CACNA1C: variants seen among roughly 807,000 people sequenced by gnomAD.
CACNA1C encodes calcium voltage-gated channel subunit alpha1 C, also known as voltage-dependent L-type calcium channel subunit alpha-1C.
In CACNA1C, 30 loss-of-function variants were observed where a neutral mutation model predicts 229.0. That is an observed-to-expected ratio of 0.13 (90% CI 0.10 to 0.18). The LOEUF (loss-of-function observed/expected upper bound fraction) is 0.18, where lower values mean the gene tolerates loss of function less well. Among genes scored for constraint, CACNA1C ranks in the 10% least tolerant of loss-of-function variants. The pLI is 1.00. For missense variants in CACNA1C, 1,658 were observed against 2,845.0 expected (o/e 0.58, Z 9.49); for synonymous variants, 1,114 against 1,132.5 (o/e 0.98, Z 0.33).
intron 3 of CACNA1C, among the ~76,000 whole-genome samples, chr12:2,400,368 G>C (rs549683308): frequency 6.6e-6 from 1 of 152,124 alleles, no homozygotes; most frequent in Non-Finnish European, 1.5e-5. Context: ...TGGTGCCTAC[G>C]GGGCAGGGGC....
At chr12:2,458,492 TC>T (rs1489149816) in intron 5 of CACNA1C, among the ~76,000 whole-genome samples, 1 of 152,218 alleles carries the variant, frequency 6.6e-6, no homozygotes, top group Non-Finnish European at 1.5e-5. Flanking sequence ...AGAACTCCTT[TC>T]TACTCTTCCC....
intron 5 of CACNA1C, among the ~76,000 whole-genome samples, chr12:2,472,253 T>C (rs2099597458): frequency 6.6e-6 from 1 of 152,196 alleles, no homozygotes; most frequent in Non-Finnish European, 1.5e-5. Flanking sequence ...TACATGGTGT[T>C]TGGCCATGTT....
At chr12:2,146,737 G>A (rs1240722143) in intron 3 of CACNA1C, among the ~76,000 whole-genome samples, 3 of 151,306 alleles carry the variant, frequency 2.0e-5, no homozygotes, top group African/African-American at 4.8e-5. Context: ...TGGGCAGAGC[G>A]TCACACAACC....
intron 11 of CACNA1C, among the ~76,000 whole-genome samples, chr12:2,563,540 C>T (rs534661510): frequency 6.6e-6 from 1 of 152,322 alleles, no homozygotes; most frequent in African/African-American, 2.4e-5. Flanking sequence ...CTCCCTGCTC[C>T]TCAAGCCAAA....
Position 2,410,698 on chromosome 12 carries a change from CTGTG to C in CACNA1C, c.478-38265_478-38262del, listed in dbSNP as rs150253871. On this transcript the variant is annotated intron_variant, in intron 3 of 46. Coordinates refer to ENST00000399655, the MANE Select transcript of CACNA1C (RefSeq NM_000719.7). This position sits in a 1 kb window ranked among gnomAD's most constrained non-coding sequence, Gnocchi z 5.3. ...GACTCTAGCTGTGAGGATGGCTCGCCTGTGTGTGTGTGTGTGCGTGCACGCATGT... is the reference window on the plus strand; with the variant it reads ...GACTCTAGCTGTGAGGATGGCTCGCCTGTGTGTGTGTGCGTGCACGCATGT... Among the ~76,000 whole-genome samples the C allele has an allele frequency of 2.3e-5, 3 of 131,112 alleles. No homozygotes were observed. The highest frequency in any genetic ancestry group is 7.9e-5 in the Admixed American group (1 of 12,628). The allele number at this position is 131,112 out of a possible 152,430, so 86.0% of individuals were successfully genotyped here.
chr12:1,990,998 A>G, intron 1 of CACNA1C: 1 of 382,604 alleles, frequency 2.6e-6, no homozygotes, highest in Non-Finnish European at 5.1e-6. Context: ...AAAAAAAAAA[A>G]GGCAAAATGA....
At chr12:2,573,021 C>T (rs999370291) in intron 13 of CACNA1C, among the ~76,000 whole-genome samples, 1 of 150,420 alleles carries the variant, frequency 6.6e-6, no homozygotes, top group Non-Finnish European at 1.5e-5. Context: ...CCTCCTCCTC[C>T]TTCTTCTTCC....
intron 3 of CACNA1C, among the ~76,000 whole-genome samples, chr12:2,255,703 T>C (rs949473194): frequency 1.3e-5 from 2 of 152,128 alleles, no homozygotes; most frequent in African/African-American, 2.4e-5. Context: ...TCAGATGAGA[T>C]TCCTCCTCAT....
In CACNA1C at chr12:2,486,944, A is replaced by G. The variant is rs1207886683; in HGVS notation, c.916+682A>G. ...AGCCTTCCCACTTCACGTTCCTTCC[A>G]TAAATCAATATATTTAACAGCAATG... On this transcript the variant is annotated intron_variant, in intron 6 of 46. Transcript: ENST00000399655. The surrounding 1 kb of genome is among the most constrained non-coding windows in gnomAD (Gnocchi z 4.9). 6.6e-6 allele frequency among the ~76,000 whole-genome samples: 1 copy of G among 152,168 alleles called. No homozygotes were observed. Among genetic ancestry groups the G allele is most frequent in the Non-Finnish European group, 1.5e-5 (1 of 68,018 alleles).
chr12:2,309,881 T>G (rs1478514705), intron 3 of CACNA1C, among the ~76,000 whole-genome samples: 1 of 152,188 alleles, frequency 6.6e-6, no homozygotes, highest in Non-Finnish European at 1.5e-5. Context: ...AGGAGACAGC[T>G]GGATCCTAGT....
intron 1 of CACNA1C, among the ~76,000 whole-genome samples, chr12:2,041,796 T>C (rs2050158902): frequency 6.6e-6 from 1 of 152,230 alleles, no homozygotes; most frequent in South Asian, 2.1e-4. Context: ...TGGCCTTCCC[T>C]GTGAAGAGCA....
At chr12:2,269,055 T>C (rs1185908599) in intron 3 of CACNA1C, among the ~76,000 whole-genome samples, 1 of 152,228 alleles carries the variant, frequency 6.6e-6, no homozygotes, top group Non-Finnish European at 1.5e-5. Flanking sequence ...AGCAAGCCTG[T>C]GTGCCGTGTG....
At chr12:2,399,981 T>C (rs969633272) in intron 3 of CACNA1C, among the ~76,000 whole-genome samples, 1 of 152,198 alleles carries the variant, frequency 6.6e-6, no homozygotes, top group African/African-American at 2.4e-5. Context: ...TTTTAGGAGA[T>C]TTAGACAGTG....
chr12:2,220,437 T>C (rs947373890), intron 3 of CACNA1C: 1 of 152,442 alleles, frequency 6.6e-6, no homozygotes, highest in African/African-American at 2.4e-5. Context: ...GTGCTGATAT[T>C]TGGTGTGAAG....
chr12:2,461,701 C>G (rs2099504473), intron 5 of CACNA1C, among the ~76,000 whole-genome samples: 1 of 152,218 alleles, frequency 6.6e-6, no homozygotes, highest in South Asian at 2.1e-4. Flanking sequence ...CCTCATCCTT[C>G]TAGCTTCTCA....
intron 1 of CACNA1C, among the ~76,000 whole-genome samples, chr12:2,021,991 C>T (rs1037137774): frequency 5.3e-5 from 8 of 152,194 alleles, no homozygotes; most frequent in African/African-American, 1.9e-4. Flanking sequence ...TTGTGTTCAA[C>T]ACCTTTTCAT....
At chr12:2,341,982 G>A (rs532683454) in intron 3 of CACNA1C, among the ~76,000 whole-genome samples, 1 of 152,156 alleles carries the variant, frequency 6.6e-6, no homozygotes, top group African/African-American at 2.4e-5. Context: ...TGCTGCTTGG[G>A]TATGCTTCGA....
intron 1 of CACNA1C, among the ~76,000 whole-genome samples, chr12:2,097,306 C>T (rs529290532): frequency 2.5e-4 from 38 of 152,096 alleles, no homozygotes; most frequent in East Asian, 1.2e-3. Flanking sequence ...CCACCACGCC[C>T]AGCTAATTTT....
At chr12:2,450,336 C>T (rs970097547) in intron 4 of CACNA1C, among the ~76,000 whole-genome samples, 36 of 151,980 alleles carry the variant, frequency 2.4e-4, no homozygotes, top group South Asian at 8.3e-4. Context: ...GGGCGGATCA[C>T]GAGGTCAGGA....
Sources: allele counts gnomAD v4.1 joint callset (sites outside exome capture counted in the v4.1 genomes callset), GRCh38; gene constraint gnomAD v4.1.1; non-coding constraint Gnocchi (gnomAD v3.1); transcripts MANE v1.5; gene names NCBI Gene and HGNC (gene_info 2026-07-23, HGNC 2026-07-21).